Variants in CDK19 observed in about 807,000 individuals in gnomAD.
CDK19 encodes the protein cyclin dependent kinase 19.
In CDK19, 20 loss-of-function variants were observed where a neutral mutation model predicts 68.3. The ratio of observed to expected loss-of-function variants is 0.29; its 90% CI spans 0.21 to 0.43. The LOEUF (loss-of-function observed/expected upper bound fraction) is 0.43, where lower values mean the gene tolerates loss of function less well. Among genes scored for constraint, CDK19 ranks in the 20% least tolerant of loss-of-function variants. CDK19 has a pLI of 1.00. For missense variants in CDK19, 339 were observed against 623.5 expected, an observed-to-expected ratio of 0.54 and a Z score of 4.86; for synonymous variants, 221 against 222.8, an observed-to-expected ratio of 0.99 and a Z score of 0.07.
At chr6:110,795,191 G>A (rs764456880) in intron 1 of CDK19, among the ~76,000 whole-genome samples, 1 of 152,084 alleles carries the variant, frequency 6.6e-6, no homozygotes, top group Non-Finnish European at 1.5e-5. Flanking sequence ...GGCTAGTCTG[G>A]AACTCCTGGA....
intron 4 of CDK19, among the ~76,000 whole-genome samples, chr6:110,651,290 G>C (rs1449000695): frequency 2.7e-5 from 4 of 146,312 alleles, no homozygotes; most frequent in Non-Finnish European, 5.9e-5. Flanking sequence ...TTATGTATCT[G>C]TCTGTCTAAC....
At chr6:110,781,547 C>T (rs867320410) in intron 1 of CDK19, among the ~76,000 whole-genome samples, 2 of 152,072 alleles carry the variant, frequency 1.3e-5, no homozygotes, top group South Asian at 4.1e-4. Context: ...TTGGTGAAAG[C>T]AAGACCCGAT....
chr6:110,669,624 T>C (rs1770822499), intron 3 of CDK19, among the ~76,000 whole-genome samples: 1 of 152,178 alleles, frequency 6.6e-6, no homozygotes, highest in Non-Finnish European at 1.5e-5. Context: ...CTATAAAACA[T>C]TTTTGAAAAA....
intron 8 of CDK19, among the ~76,000 whole-genome samples, chr6:110,623,927 GTA>G (rs140041900): frequency 0.018 from 2,607 of 144,576 alleles, 83 homozygotes; most frequent in African/African-American, 0.061. Flanking sequence ...ATATATACGT[GTA>G]TATATATATA....
chr6:110,620,676 C>T (rs1778652309), intron 12 of CDK19, among the ~76,000 whole-genome samples: 1 of 152,158 alleles, frequency 6.6e-6, no homozygotes, highest in South Asian at 2.1e-4. Context: ...TCTTAGCCCC[C>T]TTCTCTTCTT....
chr6:110,630,074 A>G (rs1779347564), intron 6 of CDK19, among the ~76,000 whole-genome samples: 1 of 152,228 alleles, frequency 6.6e-6, no homozygotes, highest in Non-Finnish European at 1.5e-5. Flanking sequence ...TGCTTCTCAA[A>G]GTGTGGGCTC....
intron 2 of CDK19, among the ~76,000 whole-genome samples, chr6:110,737,117 T>G (rs552277294): frequency 2.6e-5 from 4 of 152,256 alleles, no homozygotes; most frequent in African/African-American, 9.6e-5. Flanking sequence ...AGCCTAAAGG[T>G]TGTGCTAACA....
intron 1 of CDK19, among the ~76,000 whole-genome samples, chr6:110,778,010 G>C (rs1042190888): frequency 2.0e-5 from 3 of 152,116 alleles, no homozygotes; most frequent in African/African-American, 7.2e-5. Context: ...TCTTTAATAG[G>C]TCCAGAGTTT....
At chr6:110,756,682 CGTGT>C (rs746711046) in intron 1 of CDK19, among the ~76,000 whole-genome samples, 1 of 150,964 alleles carries the variant, frequency 6.6e-6, no homozygotes, top group South Asian at 2.1e-4. Flanking sequence ...TGTATATTTA[CGTGT>C]GTGTGTGTGT....
intron 4 of CDK19, among the ~76,000 whole-genome samples, chr6:110,661,868 A>T (rs1781637975): frequency 6.6e-6 from 1 of 152,222 alleles, no homozygotes; most frequent in Non-Finnish European, 1.5e-5. Flanking sequence ...CAGATCATAT[A>T]CTTATTTGTG....
At chr6:110,751,379 C>T (rs530772082) in intron 1 of CDK19, among the ~76,000 whole-genome samples, 7 of 152,150 alleles carry the variant, frequency 4.6e-5, no homozygotes, top group East Asian at 3.9e-4. Flanking sequence ...GTGAACTGCA[C>T]GTGCAAGAGA....
In CDK19 at chr6:110,744,028, T is replaced by TC. The variant is rs1420896754; in HGVS notation, c.204+2097_204+2098insG. On this transcript the variant is annotated intron_variant, in intron 2 of 12. Transcript: ENST00000368911. ...CTCCCCACGTTTTTTTTTTTTTTTT[T>TC]TTTGAGACAGAGTCTCGCTCTTTCA... 2.0e-5 allele frequency among the ~76,000 whole-genome samples: 3 copies of TC among 150,282 alleles called. No homozygotes were observed. The East Asian group carries it at 5.9e-4, about 30-fold the overall frequency.
rs544611821 is a variant in CDK19 at position 110,667,464 on chromosome 6, G to C, written c.426C>G (p.Leu142=). 1.9e-6 allele frequency: 3 copies of C among 1,592,468 alleles called. No homozygotes were observed. In the East Asian group the frequency reaches 6.8e-5, roughly 36 times the overall value. ...CTCTGTGAAGCACCCAATTTGCATG[G>C]AGGTAATGGATACCATCAAGAATCT... ...LYQILDGIHY[L]HANWVLHRDL... The change falls in exon 4 of 13, where the codon CTC becomes CTG. Residue 142 remains leucine (L), a synonymous_variant. Transcript: ENST00000368911.
intron 5 of CDK19, among the ~76,000 whole-genome samples, chr6:110,632,997 G>A (rs1265667472): frequency 6.6e-6 from 1 of 152,008 alleles, no homozygotes; most frequent in Middle Eastern, 3.2e-3. Context: ...GAGGCAGGTG[G>A]ATCATGAGGT....
At chr6:110,678,136 C>T (rs759296971) in intron 2 of CDK19, among the ~76,000 whole-genome samples, 6 of 152,130 alleles carry the variant, frequency 3.9e-5, no homozygotes, top group Non-Finnish European at 8.8e-5. Flanking sequence ...GTGTGAGCCA[C>T]CACACTAGCC....
Position 110,621,475 on chromosome 6 carries a change from T to C in CDK19, c.1111-105A>G. On this transcript the variant is annotated intron_variant, in intron 11 of 12. Transcript: ENST00000368911. This position sits in a 1 kb window ranked among gnomAD's most constrained non-coding sequence, Gnocchi z 5.4. ...GCTGCTGACCAACCTGGGGGAGCAA[T>C]CTATGTGGGACACTAGAGTGATGGG... 2 of 1,106,876 alleles carry C rather than the reference T, an allele frequency of 1.8e-6. No individual in the cohort carries two copies. The highest frequency in any genetic ancestry group is 2.3e-5 in the Admixed American group (1 of 42,782). 68.6% of individuals were successfully genotyped at this position (1,106,876 alleles called of 1,614,324 possible). A position where few individuals can be genotyped will look rare whatever the true frequency, so the allele number is the denominator to read the frequency against.
At chr6:110,669,006 T>A (rs1442535373) in intron 3 of CDK19, among the ~76,000 whole-genome samples, 1 of 152,214 alleles carries the variant, frequency 6.6e-6, no homozygotes, top group Non-Finnish European at 1.5e-5. Flanking sequence ...TATTGGACAG[T>A]ACAGTTCTAC....
chr6:110,691,650 T>G (rs1773000687), intron 2 of CDK19, among the ~76,000 whole-genome samples: 1 of 151,074 alleles, frequency 6.6e-6, no homozygotes, highest in Admixed American at 6.6e-5. Context: ...TTATTATTAT[T>G]TTTTCTTTTT....
chr6:110,625,932 C>T (rs1171764803), intron 8 of CDK19, among the ~76,000 whole-genome samples: 2 of 152,176 alleles, frequency 1.3e-5, no homozygotes, highest in Non-Finnish European at 1.5e-5. Flanking sequence ...CCACAATTTT[C>T]GGTAAGTGTG....
Sources: allele counts gnomAD v4.1 joint callset (sites outside exome capture counted in the v4.1 genomes callset), GRCh38; gene constraint gnomAD v4.1.1; non-coding constraint Gnocchi (gnomAD v3.1); transcripts MANE v1.5; gene names NCBI Gene and HGNC (gene_info 2026-07-23, HGNC 2026-07-21).